Variants in HDAC9 observed in about 807,000 individuals in gnomAD.
The protein encoded by HDAC9 is histone deacetylase 9.
Under a neutral mutation model 139.4 loss-of-function variants are expected in HDAC9, and 41 were observed. That is an observed-to-expected ratio of 0.29 (90% CI 0.23 to 0.38). The LOEUF (loss-of-function observed/expected upper bound fraction) is 0.38. Among genes scored for constraint, HDAC9 ranks in the 10% least tolerant of loss-of-function variants. The pLI, the probability that HDAC9 is intolerant of heterozygous loss-of-function variation, is 1.00. For synonymous variants in HDAC9, 517 were observed against 476.2 expected (o/e 1.09, Z -1.12); for missense variants, 1,147 against 1,297.0 (o/e 0.88, Z 1.78).
chr7:18,108,468 G>A (rs17138597), intron 1 of HDAC9, among the ~76,000 whole-genome samples: 23,807 of 152,118 alleles, frequency 0.16, 2,280 homozygotes, highest in South Asian at 0.3. Flanking sequence ...GTATGAATTC[G>A]CTTGTAGAGG....
chr7:18,871,354 T>C (rs952947080), intron 21 of HDAC9, among the ~76,000 whole-genome samples: 6 of 152,106 alleles, frequency 3.9e-5, no homozygotes, highest in South Asian at 2.1e-4. Flanking sequence ...ATCAACCACT[T>C]CTCCAAGGAT....
chr7:18,820,894 A>G (rs974846499), intron 17 of HDAC9, among the ~76,000 whole-genome samples: 2 of 152,222 alleles, frequency 1.3e-5, no homozygotes, highest in African/African-American at 4.8e-5. Context: ...AGGGCATATT[A>G]TAGAGTGTCT....
At chr7:18,141,037 C>T (rs1198053268) in intron 1 of HDAC9, among the ~76,000 whole-genome samples, 1 of 151,922 alleles carries the variant, frequency 6.6e-6, no homozygotes, top group Non-Finnish European at 1.5e-5. Flanking sequence ...CAAGCATCTT[C>T]AGCTTTTGAG....
rs529487040 is a variant in HDAC9, at chr7:18,417,086, C to T, written c.-41-79176C>T. On this transcript the variant is annotated intron_variant, in intron 1 of 3. Transcript: ENST00000413509. ...TCCAGTTACGAATATATTAGACTGC[C>T]TAAAGCTATCCCAGGGCCCACTGAC... is the stretch of plus-strand genomic sequence containing the variant. 6.6e-5 allele frequency among the ~76,000 whole-genome samples: 10 copies of T among 152,226 alleles called. No individual in the cohort carries two copies. The South Asian group carries it at 1.0e-3, about 16-fold the overall frequency.
chr7:18,395,727 G>C (rs1786966955), intron 1 of HDAC9, among the ~76,000 whole-genome samples: 1 of 151,938 alleles, frequency 6.6e-6, no homozygotes, highest in South Asian at 2.1e-4. Flanking sequence ...TTTTAAACAT[G>C]TTACCTTTTT....
At chr7:18,798,104 T>C (rs1792964865) in intron 17 of HDAC9, among the ~76,000 whole-genome samples, 2 of 152,274 alleles carry the variant, frequency 1.3e-5, no homozygotes, top group South Asian at 2.1e-4. Context: ...TGAATAATGC[T>C]ATATGAACAC....
chr7:18,894,867 G>A (rs1197715611), intron 22 of HDAC9, among the ~76,000 whole-genome samples: 1 of 152,104 alleles, frequency 6.6e-6, no homozygotes, highest in Non-Finnish European at 1.5e-5. Context: ...TTAGATACAG[G>A]AGAATTTATC....
intron 21 of HDAC9, among the ~76,000 whole-genome samples, chr7:18,870,886 C>T (rs938785665): frequency 6.6e-6 from 1 of 152,078 alleles, no homozygotes; most frequent in Admixed American, 6.6e-5. Flanking sequence ...CAGGGTGGAA[C>T]CCCTAGGCTC....
At chr7:18,837,611 T>C (rs1796321100) in intron 21 of HDAC9, among the ~76,000 whole-genome samples, 2 of 151,894 alleles carry the variant, frequency 1.3e-5, no homozygotes, top group Admixed American at 1.3e-4. Flanking sequence ...AATTCATAGA[T>C]TTTTTAAATT....
chr7:18,648,485 T>G lies in HDAC9; in HGVS notation c.1269T>G (p.Pro423=). The G allele has an allele frequency of 6.2e-7, 1 of 1,613,276 alleles. No homozygotes were observed. Among genetic ancestry groups the G allele is most frequent in the African/African-American group, 1.3e-5 (1 of 74,918 alleles). Residue 423 remains proline, a synonymous_variant, in exon 11 of 26, where the codon CCT becomes CCG. Coordinates refer to ENST00000686413, the MANE Select transcript of HDAC9 (RefSeq NM_178425.4). ...LLVAGGVPLH[P]QSPLATKERI... ...TTTCAGGTGGAGTTCCCTTACATCCTCAGTCTCCCTTGGCAACAAAAGAGA... is the reference window on the plus strand; with the variant it reads ...TTTCAGGTGGAGTTCCCTTACATCCGCAGTCTCCCTTGGCAACAAAAGAGA...
At position 18,617,149 on chromosome 7, in the gene HDAC9, G is replaced by C. The variant is rs1474698216; in HGVS notation, c.665-12201G>C. On this transcript the variant is annotated intron_variant, in intron 6 of 25. Transcript: ENST00000686413. ...ACTGTTTTAGTTCATTCCCTATTTTGTTCAGCCTCCATTCCAGTTATTAAC... is the reference window on the plus strand; with the variant it reads ...ACTGTTTTAGTTCATTCCCTATTTTCTTCAGCCTCCATTCCAGTTATTAAC... Among the ~76,000 whole-genome samples the C allele has an allele frequency of 4.6e-5, 7 of 151,956 alleles. No homozygotes were observed. The South Asian group carries it at 6.2e-4, about 14-fold the overall frequency.
intron 1 of HDAC9, among the ~76,000 whole-genome samples, chr7:18,434,617 A>G (rs924054618): frequency 1.3e-5 from 2 of 152,178 alleles, no homozygotes; most frequent in African/African-American, 2.4e-5. Context: ...ACACAAACCC[A>G]TGACCAACAA....
chr7:18,880,855 A>G (rs1328668939), intron 22 of HDAC9, among the ~76,000 whole-genome samples: 2 of 145,438 alleles, frequency 1.4e-5, no homozygotes. Flanking sequence ...GGGGGGGGGG[A>G]ACCAAATAAC....
At chr7:18,520,670 A>G (rs2128213932) in intron 2 of HDAC9, among the ~76,000 whole-genome samples, 1 of 152,322 alleles carries the variant, frequency 6.6e-6, no homozygotes, top group South Asian at 2.1e-4. Flanking sequence ...ATATGTCAAC[A>G]CATATTTTCC....
intron 1 of HDAC9, among the ~76,000 whole-genome samples, chr7:18,106,001 A>G (rs1397598777): frequency 2.6e-5 from 4 of 152,166 alleles, no homozygotes; most frequent in Non-Finnish European, 4.4e-5. Context: ...ATTTTATTCA[A>G]TTTATAGGAA....
intron 1 of HDAC9, among the ~76,000 whole-genome samples, chr7:18,139,645 T>C (rs1476221643): frequency 1.3e-5 from 2 of 152,162 alleles, no homozygotes; most frequent in Non-Finnish European, 2.9e-5. Context: ...TTCTAATCCT[T>C]GGCATCTGTG....
At chr7:18,373,944 C>G (rs557417844) in intron 1 of HDAC9, among the ~76,000 whole-genome samples, 10 of 151,550 alleles carry the variant, frequency 6.6e-5, no homozygotes, top group Admixed American at 1.3e-4. Flanking sequence ...CTAAGTACTT[C>G]TAAAAATAAT....
chr7:18,652,139 T>G (rs1789479615), intron 11 of HDAC9, among the ~76,000 whole-genome samples: 1 of 152,138 alleles, frequency 6.6e-6, no homozygotes, highest in Non-Finnish European at 1.5e-5. Context: ...TGCAATGATG[T>G]CATTGCACAT....
chr7:18,732,718 T>TAC lies in HDAC9; in HGVS notation c.1909+4972_1909+4973dup, dbSNP rs371390037. 1.4e-4 allele frequency among the ~76,000 whole-genome samples: 14 copies of TAC among 97,972 alleles called. 2 individuals carry two copies. The South Asian group carries it at 2.8e-3, about 20-fold the overall frequency. 64.3% of individuals were successfully genotyped at this position (97,972 alleles called of 152,430 possible). A position where few individuals can be genotyped will look rare whatever the true frequency, so the allele number is the denominator to read the frequency against. On this transcript the variant is annotated intron_variant, in intron 13 of 25. Coordinates refer to ENST00000686413, the MANE Select transcript of HDAC9 (RefSeq NM_178425.4). ...ACACACGTGTATGTGTGCGTATGTG[T>TAC]ACACACACACACGTGTATGTGTGCG...
Sources: gnomAD v4.1 joint callset for allele counts (sites outside exome capture counted in the v4.1 genomes callset) on GRCh38, gnomAD v4.1.1 for gene constraint, MANE v1.5 for transcripts, NCBI Gene and HGNC (gene_info 2026-07-23, HGNC 2026-07-21) for gene names.